The following IFT27 variants were observed in gnomAD, a reference collection of about 807,000 sequenced individuals.
IFT27 encodes intraflagellar transport 27.
IFT27 carries 19 observed loss-of-function variants against 23.9 expected under a neutral mutation model. That is an observed-to-expected ratio of 0.79 (90% CI 0.55 to 1.16). The LOEUF (loss-of-function observed/expected upper bound fraction) is 1.16, where lower values mean the gene tolerates loss of function less well. Ranked by LOEUF, IFT27 falls within the 50% of genes most tolerant of loss-of-function variation. The probability of loss-of-function intolerance (pLI) is 0.00; values close to 1 mark genes in which losing one functional copy is unlikely to be tolerated. For synonymous variants in IFT27, 91 were observed against 89.1 expected (o/e 1.02, Z -0.12); for missense variants, 206 against 228.7 (o/e 0.90, Z 0.64).
chr22:36,764,295 G>A (rs960016779), intron 4 of IFT27, among the ~76,000 whole-genome samples: 6 of 152,282 alleles, frequency 3.9e-5, no homozygotes, highest in Non-Finnish European at 7.3e-5. Flanking sequence ...GGGCACTTCC[G>A]TGCCTCACTG....
intron 1 of IFT27, among the ~76,000 whole-genome samples, chr22:36,769,492 C>T (rs1235887115): frequency 2.0e-5 from 3 of 152,156 alleles, no homozygotes; most frequent in Non-Finnish European, 4.4e-5. Context: ...GTAGCTGGGA[C>T]TACAGGTGCA....
Position 36,767,168 on chromosome 22 carries a change from G to A in IFT27, c.174+138C>T, listed in dbSNP as rs9622478. On this transcript the variant is annotated intron_variant, in intron 3 of 6. Transcript: ENST00000433985. ...TCAGTCCCTCCCTTGAATGCTTCCCGATTCTATTCCGAAATGCTCAGCCAA... is the reference window on the plus strand; with the variant it reads ...TCAGTCCCTCCCTTGAATGCTTCCCAATTCTATTCCGAAATGCTCAGCCAA... The A allele has an allele frequency of 8.5e-4, 525 of 620,922 alleles. 4 individuals carry two copies. Among genetic ancestry groups the A allele is most frequent in the Non-Finnish European group, 1.1e-3 (378 of 346,070 alleles). 38.5% of individuals were successfully genotyped at this position (620,922 alleles called of 1,614,324 possible).
intron 1 of IFT27, chr22:36,772,626 C>T (rs1473580030): frequency 9.1e-6 from 9 of 985,326 alleles, no homozygotes; most frequent in East Asian, 2.3e-4. Flanking sequence ...ACGTATCACA[C>T]GCATCTTAGT....
chr22:36,769,008 C>T (rs2056803124), intron 1 of IFT27, among the ~76,000 whole-genome samples: 2 of 152,224 alleles, frequency 1.3e-5, no homozygotes, highest in South Asian at 4.1e-4. Context: ...AACAGTCTGC[C>T]ACTGTTCACT....
chr22:36,763,883 A>T, intron 5 of IFT27, 36 bp downstream of exon 5: 4 of 1,423,510 alleles, frequency 2.8e-6, no homozygotes, highest in Non-Finnish European at 4.0e-6. Flanking sequence ...AAGGACAGAG[A>T]TGCCGCTGGG....
intron 1 of IFT27, among the ~76,000 whole-genome samples, chr22:36,770,494 C>G (rs1252924944): frequency 6.6e-6 from 1 of 152,230 alleles, no homozygotes; most frequent in African/African-American, 2.4e-5. Flanking sequence ...CAAGCTTTGT[C>G]TGTATATCCA....
intron 1 of IFT27, among the ~76,000 whole-genome samples, chr22:36,771,271 C>T (rs1485333591): frequency 1.3e-5 from 2 of 152,192 alleles, no homozygotes; most frequent in African/African-American, 2.4e-5. Flanking sequence ...GCCTCAGTTT[C>T]CCCCTTTTCC....
intron 6 of IFT27, 136 bp from the exon 7 acceptor site, chr22:36,758,545 T>C: frequency 1.5e-6 from 1 of 654,286 alleles, no homozygotes; most frequent in Non-Finnish European, 2.7e-6. Context: ...AGGTAGCCAC[T>C]TTCATGGATG....
At chr22:36,771,762 T>C (rs1938390396) in intron 1 of IFT27, among the ~76,000 whole-genome samples, 1 of 152,232 alleles carries the variant, frequency 6.6e-6, no homozygotes, top group South Asian at 2.1e-4. Flanking sequence ...GTTTTCTGTC[T>C]TCCCGACTGT....
rs1034760269 is a variant in IFT27, at chr22:36,764,279, T to G, written c.235-243A>C. ...ACAAGAGCTCATGTCTGGGCCAGGC[T>G]CTGCTGGGCACTTCCGTGCCTCACT... On this transcript the variant is annotated intron_variant, in intron 4 of 6. Coordinates refer to ENST00000433985, the MANE Select transcript of IFT27 (RefSeq NM_001177701.3). 4.6e-5 allele frequency among the ~76,000 whole-genome samples: 7 copies of G among 152,286 alleles called. No homozygotes were observed. The East Asian group carries it at 7.7e-4, about 17-fold the overall frequency.
rs117576168 is a variant in IFT27 at position 36,775,713 on chromosome 22, C to G, written c.-6G>C. 6.2e-7 allele frequency: 1 copy of G among 1,613,984 alleles called. No individual in the cohort carries two copies. Among genetic ancestry groups the G allele is most frequent in the Non-Finnish European group, 8.5e-7 (1 of 1,179,996 alleles). On this transcript the variant is annotated 5_prime_UTR_variant, in exon 1 of 7. Transcript: ENST00000433985. ...TTGGCTGCCAGCTTCACCATGGTAA[C>G]CAACACTCCCGCGAGCCGTACCCAG...
chr22:36,763,048 A>G, intron 5 of IFT27, 35 bp from the exon 6 acceptor site: 2 of 1,467,892 alleles, frequency 1.4e-6, no homozygotes, highest in Non-Finnish European at 1.9e-6. Flanking sequence ...ATGGCACTTC[A>G]CTGTCACACT....
At position 36,763,057 on chromosome 22, in the gene IFT27, C is replaced by G. The variant is rs76578586; in HGVS notation, c.353-44G>C. On this transcript the variant is annotated intron_variant, in intron 5 of 6. Coordinates refer to ENST00000433985, the MANE Select transcript of IFT27 (RefSeq NM_001177701.3). ...CAAAATATGGCACTTCACTGTCACA[C>G]TCTGGAAGGACAGCGGGCGAGATGA... 11,343 of 1,417,362 alleles carry G rather than the reference C, an allele frequency of 8.0e-3. 580 individuals are homozygous for G. The African/African-American group carries it at 0.13, about 16-fold the overall frequency. 87.8% of individuals were successfully genotyped at this position (1,417,362 alleles called of 1,614,324 possible).
rs537779295 is a variant in IFT27 at position 36,759,720 on chromosome 22, A to G, written c.463-1311T>C. 4 of 152,360 alleles carry G rather than the reference A, an allele frequency of 2.6e-5. No homozygotes were observed. In the South Asian group the frequency reaches 6.2e-4, roughly 24 times the overall value. The allele number at this position is 152,360 out of a possible 1,614,324, so 9.4% of individuals were successfully genotyped here. ...AAGAGGCCGTGAAATATCCCCAACG[A>G]AACAGAAGGATTTCCAAACTGAAGA... On this transcript the variant is annotated intron_variant, in intron 6 of 6. Transcript: ENST00000433985.
At chr22:36,763,840 C>A (rs1938164031) in intron 5 of IFT27, 79 bp downstream of exon 5, 1 of 1,042,526 alleles carries the variant, frequency 9.6e-7, no homozygotes, top group East Asian at 2.4e-5. Context: ...CCACCCACAG[C>A]TACCTCTGCA....
At chr22:36,764,673 C>T (rs540239911) in intron 4 of IFT27, among the ~76,000 whole-genome samples, 153 of 152,326 alleles carry the variant, frequency 1.0e-3, no homozygotes, top group African/African-American at 3.6e-3. Context: ...GCTTCTCTTG[C>T]CATCTCTGCA....
intron 5 of IFT27, chr22:36,763,515 T>A (rs1018204620): frequency 3.1e-6 from 1 of 322,386 alleles, no homozygotes; most frequent in Non-Finnish European, 6.0e-6. Flanking sequence ...AATTTGTTGA[T>A]CTCACATAGG....
intron 1 of IFT27, among the ~76,000 whole-genome samples, chr22:36,771,512 G>A (rs947656069): frequency 3.3e-5 from 5 of 152,118 alleles, no homozygotes; most frequent in Non-Finnish European, 7.4e-5. Context: ...GGTGCTCTGT[G>A]GCATGTGCTG....
At chr22:36,774,247 A>G (rs1157378613) in intron 1 of IFT27, among the ~76,000 whole-genome samples, 2 of 152,244 alleles carry the variant, frequency 1.3e-5, no homozygotes, top group East Asian at 3.8e-4. Flanking sequence ...TTATTTTCAA[A>G]TTATAAAAGC....
Sources: gnomAD v4.1 joint callset for allele counts (sites outside exome capture counted in the v4.1 genomes callset) on GRCh38, gnomAD v4.1.1 for gene constraint, MANE v1.5 for transcripts, NCBI Gene and HGNC (gene_info 2026-07-23, HGNC 2026-07-21) for gene names.